The following HLTF variants were observed in gnomAD, a reference collection of about 807,000 sequenced individuals.
HLTF encodes DNA-dependent ATPase/E3 ubiquitin-protein ligase HLTF.
Under a neutral mutation model 129.4 loss-of-function variants are expected in HLTF, and 127 were observed. That is an observed-to-expected ratio of 0.98 (90% CI 0.85 to 1.14). The LOEUF is 1.14. Among genes scored for constraint, HLTF ranks in the 50% most tolerant of loss-of-function variants. HLTF has a pLI of 0.00. For missense variants in HLTF, 1,139 were observed against 1,187.1 expected, an observed-to-expected ratio of 0.96 and a Z score of 0.60; for synonymous variants, 332 against 388.8, an observed-to-expected ratio of 0.85 and a Z score of 1.72.
chr3:149,060,815 C>T lies in HLTF; in HGVS notation c.1204G>A (p.Glu402Lys), dbSNP rs1717874036. ...VQYIESSDSE[E>K]IETSELPQKM... ...TGCGGCAATTCACTTGTTTCAATTT[C>T]CTCTGAATCACTGCTTTCTATGTAC... is the stretch of plus-strand genomic sequence containing the variant. The change falls in exon 11 of 25, where the codon GAA becomes AAA. Residue 402 changes from glutamate to lysine, a missense_variant. Glu to Lys is a moderately conservative substitution (Grantham distance 56, BLOSUM62 1). Coordinates refer to ENST00000310053, the MANE Select transcript of HLTF (RefSeq NM_003071.4). The T allele has an allele frequency of 8.7e-6, 14 of 1,613,528 alleles. No homozygotes were observed. Among genetic ancestry groups the T allele is most frequent in the Admixed American group, 1.7e-5 (1 of 59,996 alleles).
chr3:149,044,488 A>C (rs1716376461), intron 18 of HLTF, among the ~76,000 whole-genome samples: 1 of 152,102 alleles, frequency 6.6e-6, no homozygotes. Flanking sequence ...AGCCATTGCT[A>C]TCTTCACAGT....
intron 1 of HLTF, among the ~76,000 whole-genome samples, chr3:149,085,817 T>G (rs1478263387): frequency 6.6e-6 from 1 of 152,206 alleles, no homozygotes; most frequent in East Asian, 1.9e-4. Flanking sequence ...GGGAGTCTAC[T>G]GGAGCATTGC....
In HLTF at chr3:149,032,040, A is replaced by G; in HGVS notation, c.*180T>C. 2.4e-6 allele frequency: 1 copy of G among 418,548 alleles called. No individual in the cohort carries two copies. The allele number at this position is 418,548 out of a possible 1,614,324, so 25.9% of individuals were successfully genotyped here. ...TATAACGGAACTTATTGCTATTTGAAGTTTCATTAAAAATAGGTTCATATA... is the reference window on the plus strand; with the variant it reads ...TATAACGGAACTTATTGCTATTTGAGGTTTCATTAAAAATAGGTTCATATA... On this transcript the variant is annotated 3_prime_UTR_variant, in exon 25 of 25. Transcript: ENST00000310053.
intron 19 of HLTF, 37 bp from the exon 20 acceptor site, chr3:149,041,705 G>A: frequency 7.1e-7 from 1 of 1,417,988 alleles, no homozygotes; most frequent in Non-Finnish European, 9.9e-7. Context: ...TCAGAGCAAG[G>A]TTTGTAATAT....
intron 8 of HLTF, among the ~76,000 whole-genome samples, chr3:149,065,154 T>A (rs1718253801): frequency 1.3e-5 from 2 of 152,158 alleles, no homozygotes; most frequent in Non-Finnish European, 1.5e-5. Context: ...TGACACATTA[T>A]TGTGAGAAAA....
intron 15 of HLTF, among the ~76,000 whole-genome samples, 154 bp downstream of exon 15, chr3:149,050,078 T>TA (rs1716858432): frequency 6.9e-6 from 1 of 145,824 alleles, no homozygotes. Context: ...ACGCAAAAAG[T>TA]CAAAAAAAAA....
In HLTF at chr3:149,041,647, A is replaced by G; in HGVS notation, c.2219T>C (p.Leu740Pro). The change falls in exon 20 of 25, where the codon CTG (leucine) becomes CCG (proline). Residue 740 changes from leucine (L) to proline (P), a missense_variant. Coordinates refer to ENST00000310053, the MANE Select transcript of HLTF (RefSeq NM_003071.4). ...CATCTTCCTTATTAACTTCTTTCTCAGTTCTTCAGGTGTATCATTTCCTAG... is the reference window on the plus strand; with the variant it reads ...CATCTTCCTTATTAACTTCTTTCTCGGTTCTTCAGGTGTATCATTTCCTAG... ...GPSGNDTPEE[L>P]RKKLIRKMKL... 6.2e-7 allele frequency: 1 copy of G among 1,611,232 alleles called. No individual in the cohort carries two copies. The highest frequency in any genetic ancestry group is 8.5e-7 in the Non-Finnish European group (1 of 1,177,938).
At chr3:149,033,185 A>ACTAT (rs1715281460) in intron 24 of HLTF, among the ~76,000 whole-genome samples, 1 of 152,132 alleles carries the variant, frequency 6.6e-6, no homozygotes, top group African/African-American at 2.4e-5. Context: ...AAGAATGGTC[A>ACTAT]CTATCTGCTA....
At chr3:149,079,695 C>T (rs887945735) in intron 2 of HLTF, among the ~76,000 whole-genome samples, 3 of 152,042 alleles carry the variant, frequency 2.0e-5, no homozygotes, top group Non-Finnish European at 2.9e-5. Context: ...CTAGTTCATG[C>T]GATTCTCCTG....
rs549850293 is a variant in HLTF, at chr3:149,067,036, C to T, written c.990+1204G>A. On this transcript the variant is annotated intron_variant, in intron 8 of 24. Transcript: ENST00000310053. ...GAAGTATATTGCATACATCTTTTTGCTATTTCCTTCTATTTAAGTTACTTG... is the reference window on the plus strand; with the variant it reads ...GAAGTATATTGCATACATCTTTTTGTTATTTCCTTCTATTTAAGTTACTTG... 3.7e-3 allele frequency among the ~76,000 whole-genome samples: 556 copies of T among 152,142 alleles called. 2 individuals are homozygous for T. The highest frequency in any genetic ancestry group is 6.9e-3 in the Admixed American group (105 of 15,290).
Position 149,040,152 on chromosome 3 carries a change from T to A in HLTF, c.2381A>T (p.His794Leu). The A allele has an allele frequency of 6.2e-7, 1 of 1,606,082 alleles. No homozygotes were observed. Among genetic ancestry groups the A allele is most frequent in the Non-Finnish European group, 8.5e-7 (1 of 1,177,730 alleles). The change falls in exon 21 of 25, where the codon CAT becomes CTT. Residue 794 changes from histidine (H) to leucine (L), a missense_variant. Physicochemically the swap from His to Leu is moderately conservative, Grantham distance 99 (BLOSUM62 -3). Coordinates refer to ENST00000310053, the MANE Select transcript of HLTF (RefSeq NM_003071.4). ...ICQVIQNEQP[H>L]AKCPLCRNDI... Reference sequence around the variant, plus strand: ...ATTTCTGCATAAAGGGCATTTAGCATGTGGCTATATAAGAAAGAACGAAGT... The same window carrying A: ...ATTTCTGCATAAAGGGCATTTAGCAAGTGGCTATATAAGAAAGAACGAAGT...
chr3:149,032,382 GA>G lies in HLTF; in HGVS notation c.2878-11del, dbSNP rs761953733. On this transcript the variant is annotated splice_polypyrimidine_tract_variant and intron_variant, in intron 24 of 24. Transcript: ENST00000310053. ...AGTCCTTTACAATGAACTTTAAAAA[GA>G]AAAAAAAAAGTTAAGTAGTTTTTAA... The G allele has an allele frequency of 1.4e-3, 1,766 of 1,294,606 alleles. 5 individuals carry two copies. Among genetic ancestry groups the G allele is most frequent in the South Asian group, 1.9e-3 (113 of 59,552 alleles). 80.2% of individuals were successfully genotyped at this position (1,294,606 alleles called of 1,614,324 possible). A position where few individuals can be genotyped will look rare whatever the true frequency, so the allele number is the denominator to read the frequency against.
intron 3 of HLTF, 84 bp downstream of exon 3, chr3:149,075,797 T>C (rs947482742): frequency 1.3e-5 from 11 of 825,318 alleles, no homozygotes; most frequent in Non-Finnish European, 2.0e-5. Context: ...AGCATACCTT[T>C]ATAGGCTCTA....
chr3:149,067,462 G>T (rs528229003), intron 8 of HLTF, among the ~76,000 whole-genome samples: 170 of 152,146 alleles, frequency 1.1e-3, no homozygotes, highest in African/African-American at 3.8e-3. Flanking sequence ...TCGTTTAACT[G>T]TTCCCTTGTC....
At chr3:149,053,120 T>C (rs914691723) in intron 14 of HLTF, among the ~76,000 whole-genome samples, 4 of 152,228 alleles carry the variant, frequency 2.6e-5, no homozygotes, top group Non-Finnish European at 5.9e-5. Context: ...GCCTGCTCTG[T>C]AGAATGCTAG....
rs1371365911 is a variant in HLTF at position 149,030,517 on chromosome 3, T to C, written c.*1703A>G. On this transcript the variant is annotated 3_prime_UTR_variant, in exon 25 of 25. Coordinates refer to ENST00000310053, the MANE Select transcript of HLTF (RefSeq NM_003071.4). Reference sequence around the variant, plus strand: ...CATAGTGAGTTTGTAAGGCTTTGTCTTTGTAAGCAGAAAGAGTAGACTGTG... The same window carrying C: ...CATAGTGAGTTTGTAAGGCTTTGTCCTTGTAAGCAGAAAGAGTAGACTGTG... 2.0e-5 allele frequency: 3 copies of C among 152,234 alleles called. No homozygotes were observed. The highest frequency in any genetic ancestry group is 2.0e-4 in the Admixed American group (3 of 15,286). 9.4% of individuals were successfully genotyped at this position (152,234 alleles called of 1,614,324 possible).
intron 16 of HLTF, 81 bp downstream of exon 16, chr3:149,048,779 TAAG>T: frequency 9.4e-7 from 1 of 1,060,730 alleles, no homozygotes; most frequent in South Asian, 1.5e-5. Context: ...ACACCCACTT[TAAG>T]TTTACAAAGT....
At chr3:149,085,972 A>G (rs113167303) in intron 1 of HLTF, among the ~76,000 whole-genome samples, 10,325 of 152,084 alleles carry the variant, frequency 0.068, 1,028 homozygotes, top group African/African-American at 0.22. Flanking sequence ...GGGGACAAGG[A>G]CTGTCTTACT....
intron 23 of HLTF, among the ~76,000 whole-genome samples, chr3:149,037,034 G>C (rs1049423643): frequency 1.3e-5 from 2 of 152,096 alleles, no homozygotes; most frequent in Non-Finnish European, 2.9e-5. Context: ...TAAAATTTGG[G>C]ATTTGTTCTA....
Sources: allele counts gnomAD v4.1 joint callset (sites outside exome capture counted in the v4.1 genomes callset), GRCh38; gene constraint gnomAD v4.1.1; transcripts MANE v1.5; gene names NCBI Gene and HGNC (gene_info 2026-07-23, HGNC 2026-07-21).